The following CCND3 variants were observed in gnomAD, a reference collection of about 807,000 sequenced individuals.
The protein encoded by CCND3 is cyclin D3.
Under a neutral mutation model 28.7 loss-of-function variants are expected in CCND3, and 9 were observed. The observed-to-expected ratio is 0.31, with a 90% CI of 0.19 to 0.55. The LOEUF (loss-of-function observed/expected upper bound fraction) is 0.55. Ranked by LOEUF, CCND3 falls within the 20% of genes least tolerant of loss-of-function variation. The probability of loss-of-function intolerance (pLI) is 0.93; values close to 1 mark genes in which losing one functional copy is unlikely to be tolerated. For synonymous variants in CCND3, 164 were observed against 163.9 expected (o/e 1.00, Z 0.00); for missense variants, 315 against 385.8 (o/e 0.82, Z 1.54).
intron 1 of CCND3, among the ~76,000 whole-genome samples, chr6:41,951,022 T>C (rs1247718328): frequency 1.3e-5 from 2 of 152,122 alleles, no homozygotes; most frequent in Admixed American, 1.3e-4. Flanking sequence ...AGCCACCCTT[T>C]TAAGCTTCCA....
At chr6:41,955,408 C>A (rs964858249) in intron 1 of CCND3, among the ~76,000 whole-genome samples, 58 of 151,764 alleles carry the variant, frequency 3.8e-4, no homozygotes, top group Middle Eastern at 3.4e-3. Context: ...TGAAAAAAAA[C>A]CAATATAATT....
chr6:41,937,294 C>T lies in CCND3; in HGVS notation c.515G>A (p.Arg172His), dbSNP rs749257225. 73 of 1,614,022 alleles carry T rather than the reference C, an allele frequency of 4.5e-5. No individual in the cohort carries two copies. The highest frequency in any genetic ancestry group is 5.6e-5 in the Non-Finnish European group (66 of 1,180,036). Reference protein sequence around the residue: ...AFILHRLSLPRDRQALVKKHA... With the variant: ...AFILHRLSLPHDRQALVKKHA... ...CTTTTTGACCAAGGCCTGTCGGTCACGGGGCAGAGAGAGCCGGTGCAGAAT... is the reference window on the plus strand; with the variant it reads ...CTTTTTGACCAAGGCCTGTCGGTCATGGGGCAGAGAGAGCCGGTGCAGAAT... Residue 172 changes from arginine (R) to histidine (H), a missense_variant, in exon 3 of 5, where the codon CGT becomes CAT. Transcript: ENST00000372991.
intron 1 of CCND3, among the ~76,000 whole-genome samples, chr6:42,022,645 C>T (rs1475024395): frequency 6.6e-6 from 1 of 152,234 alleles, no homozygotes; most frequent in Non-Finnish European, 1.5e-5. Flanking sequence ...GGTGTTGATG[C>T]AGCACTTGGC....
chr6:42,032,682 C>G (rs915640085), intron 1 of CCND3, among the ~76,000 whole-genome samples: 2 of 152,226 alleles, frequency 1.3e-5, no homozygotes, highest in African/African-American at 4.8e-5. Flanking sequence ...CCAGCCCCCT[C>G]CCTGACAGCA....
intron 1 of CCND3, among the ~76,000 whole-genome samples, chr6:42,027,646 T>C (rs1352870414): frequency 6.6e-6 from 1 of 152,108 alleles, no homozygotes; most frequent in Non-Finnish European, 1.5e-5. Context: ...AGAAAGTGTG[T>C]GGGCTTAACA....
intron 2 of CCND3, chr6:41,937,675 A>G (rs1429185466): frequency 1.3e-5 from 6 of 458,304 alleles, no homozygotes; most frequent in Non-Finnish European, 2.4e-5. Flanking sequence ...TAAGGGGCCA[A>G]TAATCCAGGC....
At chr6:42,040,747 GA>G (rs1475870442) in intron 1 of CCND3, among the ~76,000 whole-genome samples, 2 of 151,310 alleles carry the variant, frequency 1.3e-5, no homozygotes, top group African/African-American at 4.9e-5. Flanking sequence ...AGCTACTAGG[GA>G]GGCTGAGGCA....
intron 1 of CCND3, among the ~76,000 whole-genome samples, chr6:41,989,982 AT>A (rs764328845): frequency 5.1e-4 from 77 of 152,310 alleles, no homozygotes; most frequent in Non-Finnish European, 7.9e-4. Context: ...GAGAAAAAAA[AT>A]AAAGGACTTA....
intron 1 of CCND3, among the ~76,000 whole-genome samples, chr6:41,954,689 G>A (rs891906010): frequency 3.9e-5 from 6 of 152,126 alleles, no homozygotes; most frequent in Admixed American, 6.6e-5. Flanking sequence ...CTGAGCCATC[G>A]TGCCTAGCCT....
chr6:42,033,187 C>T (rs998640475), intron 1 of CCND3, among the ~76,000 whole-genome samples: 5 of 152,116 alleles, frequency 3.3e-5, no homozygotes, highest in African/African-American at 1.2e-4. Flanking sequence ...CATGGTGGCT[C>T]ACGCCTGTAA....
intron 1 of CCND3, among the ~76,000 whole-genome samples, chr6:41,963,012 A>G (rs531563324): frequency 1.1e-4 from 16 of 152,250 alleles, no homozygotes; most frequent in Admixed American, 5.9e-4. Context: ...CGGCCTCCCA[A>G]AGTGCTGGGA....
At chr6:41,962,490 A>G (rs966110084) in intron 1 of CCND3, among the ~76,000 whole-genome samples, 2 of 152,078 alleles carry the variant, frequency 1.3e-5, no homozygotes, top group African/African-American at 2.4e-5. Flanking sequence ...AGTGGCTTAC[A>G]CCTGTAATCC....
chr6:41,970,869 C>A (rs1016025169), intron 1 of CCND3, among the ~76,000 whole-genome samples: 1 of 151,974 alleles, frequency 6.6e-6, no homozygotes, highest in Admixed American at 6.6e-5. Flanking sequence ...TTTTTTCCAC[C>A]AACTCAACCC....
intron 1 of CCND3, among the ~76,000 whole-genome samples, chr6:41,994,355 C>T (rs1313631935): frequency 1.3e-5 from 2 of 152,010 alleles, no homozygotes; most frequent in African/African-American, 2.4e-5. Flanking sequence ...CCTGACAACT[C>T]GTTTATCAGA....
chr6:41,976,635 C>A (rs1762195179), intron 1 of CCND3, among the ~76,000 whole-genome samples: 1 of 152,030 alleles, frequency 6.6e-6, no homozygotes, highest in Non-Finnish European at 1.5e-5. Context: ...AGAGGAAGAC[C>A]CCCATCACTA....
Position 42,044,381 on chromosome 6 carries a change from G to A in CCND3, c.-46+4120C>T, listed in dbSNP as rs1449671833. Among the ~76,000 whole-genome samples, 7 of 152,194 alleles carry A rather than the reference G, an allele frequency of 4.6e-5. No homozygotes were observed. The East Asian group carries it at 5.8e-4, about 13-fold the overall frequency. On this transcript the variant is annotated intron_variant, in intron 1 of 4. Transcript: ENST00000372988. ...ATCCAGTCACCCCAAGGTGACACAC[G>A]GGGCAACAGCTCCACCTGGTGGACG...
chr6:41,970,203 G>C (rs1761999063), intron 1 of CCND3, among the ~76,000 whole-genome samples: 1 of 152,146 alleles, frequency 6.6e-6, no homozygotes, highest in South Asian at 2.1e-4. Context: ...GCTGGGCGTG[G>C]TGGCACGTGC....
At chr6:41,940,897 C>CA in intron 1 of CCND3, 1 of 1,499,680 alleles carries the variant, frequency 6.7e-7, no homozygotes, top group Non-Finnish European at 9.3e-7. Context: ...AAGGGTCACC[C>CA]ATGGTAGCCA....
intron 1 of CCND3, among the ~76,000 whole-genome samples, chr6:41,978,699 T>G (rs1023377166): frequency 6.6e-6 from 1 of 152,150 alleles, no homozygotes; most frequent in Non-Finnish European, 1.5e-5. Flanking sequence ...ATGAAAGCTA[T>G]GACTTGTGCC....
Sources: gnomAD v4.1 joint callset for allele counts (sites outside exome capture counted in the v4.1 genomes callset) on GRCh38, gnomAD v4.1.1 for gene constraint, MANE v1.5 for transcripts, NCBI Gene and HGNC (gene_info 2026-07-23, HGNC 2026-07-21) for gene names.